ZNF485: variants seen among roughly 807,000 people sequenced by gnomAD.
ZNF485 encodes the protein Zinc finger protein 93 (Zinc finger protein HTF34).
A neutral mutation model predicts 10.8 loss-of-function variants in ZNF485; 9 were observed. That is an observed-to-expected ratio of 0.83 (90% CI 0.50 to 1.45). The LOEUF (loss-of-function observed/expected upper bound fraction) is 1.45, where lower values mean the gene tolerates loss of function less well. Among genes scored for constraint, ZNF485 ranks in the 40% most tolerant of loss-of-function variants. ZNF485 has a pLI of 0.00. For missense variants in ZNF485, 487 were observed against 528.0 expected (o/e 0.92, Z 0.76); for synonymous variants, 187 against 181.0 (o/e 1.03, Z -0.27).
intron 2 of ZNF485, 113 bp from the exon 3 acceptor site, chr10:43,608,501 T>G: frequency 7.2e-7 from 1 of 1,382,862 alleles, no homozygotes; most frequent in Non-Finnish European, 9.8e-7. Flanking sequence ...CTTGTTGGTT[T>G]CCATGAGCAC....
rs993046346 is a variant in ZNF485, at chr10:43,611,789, A to G, written c.247+2439A>G. Among the ~76,000 whole-genome samples the G allele has an allele frequency of 3.9e-5, 6 of 152,148 alleles. No individual in the cohort carries two copies. In the South Asian group the frequency reaches 1.2e-3, roughly 32 times the overall value. ...AACATTTTGAGCAACCCTTGTATTT[A>G]TCTTTCCTGAGAACTGCCTGTTCAG... On this transcript the variant is annotated intron_variant, in intron 4 of 4. Coordinates refer to ENST00000361807, the MANE Select transcript of ZNF485 (RefSeq NM_145312.4).
In ZNF485 at chr10:43,609,319, G is replaced by A; in HGVS notation, c.216G>A (p.Glu72=). 6.2e-7 allele frequency: 1 copy of A among 1,613,988 alleles called. No individual in the cohort carries two copies. The highest frequency in any genetic ancestry group is 8.5e-7 in the Non-Finnish European group (1 of 1,179,910). The part of the protein sequence containing the change: ...QLEQGAEPWT[E]VREAPSGTHA... ...AGCAAGGGGCAGAGCCCTGGACTGAGGTGCGAGAGGCTCCATCAGGCACAC... is the reference window on the plus strand; with the variant it reads ...AGCAAGGGGCAGAGCCCTGGACTGAAGTGCGAGAGGCTCCATCAGGCACAC... The change falls in exon 4 of 5, where the codon GAG becomes GAA. Residue 72 remains glutamate, a synonymous_variant. Transcript: ENST00000361807.
intron 4 of ZNF485, among the ~76,000 whole-genome samples, chr10:43,612,526 A>T (rs1265059075): frequency 6.6e-6 from 1 of 152,042 alleles, no homozygotes; most frequent in Non-Finnish European, 1.5e-5. Flanking sequence ...ACTTTTTTTG[A>T]CAGTGTTGTC....
chr10:43,607,152 C>T, intron 2 of ZNF485, 78 bp downstream of exon 2: 1 of 1,513,106 alleles, frequency 6.6e-7, no homozygotes, highest in Non-Finnish European at 9.0e-7. Flanking sequence ...CCGGACAATG[C>T]CCTGCCCTGT....
rs993983743 is a variant in ZNF485 at position 43,606,454 on chromosome 10, A to G, written c.-147A>G. 9 of 414,054 alleles carry G rather than the reference A, an allele frequency of 2.2e-5. No homozygotes were observed. The highest frequency in any genetic ancestry group is 4.1e-5 in the African/African-American group (2 of 48,802). The allele number at this position is 414,054 out of a possible 1,614,324, so 25.6% of individuals were successfully genotyped here. On this transcript the variant is annotated 5_prime_UTR_variant, in exon 1 of 5. Coordinates refer to ENST00000361807, the MANE Select transcript of ZNF485 (RefSeq NM_145312.4). Reference sequence around the variant, plus strand: ...TGTCTCCGCGTGGTGCGAGCGCTGCACCAGCCCCTGGCTGGTGGTTACTGT... The same window carrying G: ...TGTCTCCGCGTGGTGCGAGCGCTGCGCCAGCCCCTGGCTGGTGGTTACTGT...
Position 43,616,732 on chromosome 10 carries a change from T to A in ZNF485, c.689T>A (p.Leu230Ter). 1 of 1,614,098 alleles carries A rather than the reference T, an allele frequency of 6.2e-7. No homozygotes were observed. Among genetic ancestry groups the A allele is most frequent in the East Asian group, 2.2e-5 (1 of 44,882 alleles). Reference sequence around the variant, plus strand: ...ACTTTCAGAAAGAACTCAATCCTTTTAAGTCATCAGAGAATTCATACTGGC... The same window carrying A: ...ACTTTCAGAAAGAACTCAATCCTTTAAAGTCATCAGAGAATTCATACTGGC... ...GKTFRKNSIL[L>*]SHQRIHTGQK... is the part of the protein sequence containing the mutation. The change falls in exon 5 of 5, where the codon TTA (leucine) becomes TAA (stop). Residue 230 changes from leucine (L) to a stop codon, truncating the protein, a stop_gained. Coordinates refer to ENST00000361807, the MANE Select transcript of ZNF485 (RefSeq NM_145312.4). LOFTEE classifies it low-confidence loss of function (END_TRUNC).
At position 43,617,395 on chromosome 10, in the gene ZNF485, A is replaced by G. The variant is rs1838887291; in HGVS notation, c.*26A>G. 1 of 1,467,956 alleles carries G rather than the reference A, an allele frequency of 6.8e-7. No homozygotes were observed. The highest frequency in any genetic ancestry group is 9.2e-7 in the Non-Finnish European group (1 of 1,091,614). The allele number at this position is 1,467,956 out of a possible 1,614,324, so 90.9% of individuals were successfully genotyped here. A position where few individuals can be genotyped will look rare whatever the true frequency, so the allele number is the denominator to read the frequency against. On this transcript the variant is annotated 3_prime_UTR_variant, in exon 5 of 5. Coordinates refer to ENST00000361807, the MANE Select transcript of ZNF485 (RefSeq NM_145312.4). ...TGTGGCAAATTGTGCAGAGTAGTTT[A>G]TTCCTTCTGACCATCATAGAGGAGA...
Position 43,606,988 on chromosome 10 carries a change from C to T in ZNF485, c.-54-9C>T, listed in dbSNP as rs1838660636. 2 of 1,548,328 alleles carry T rather than the reference C, an allele frequency of 1.3e-6. No homozygotes were observed. Among genetic ancestry groups the T allele is most frequent in the Admixed American group, 3.9e-5 (2 of 50,986 alleles). On this transcript the variant is annotated splice_polypyrimidine_tract_variant and intron_variant, in intron 1 of 4. Coordinates refer to ENST00000361807, the MANE Select transcript of ZNF485 (RefSeq NM_145312.4). ...AGGGACTTCCTCAATTTCCTCTCTTCTTTCCCAGATTGACTTACGCAGGAT... is the reference window on the plus strand; with the variant it reads ...AGGGACTTCCTCAATTTCCTCTCTTTTTTCCCAGATTGACTTACGCAGGAT...
chr10:43,615,058 G>A (rs1370013765), intron 4 of ZNF485, among the ~76,000 whole-genome samples: 1 of 152,176 alleles, frequency 6.6e-6, no homozygotes, highest in African/African-American at 2.4e-5. Context: ...AATGTGGGCT[G>A]TTTCTGACTG....
chr10:43,609,486 C>T lies in ZNF485; in HGVS notation c.247+136C>T, dbSNP rs1322150899. ...TCCTCTTTTGATGTCATCCTCCTGTCAAGTGGCTGGCCGCTTTTCTCCCCA... is the reference window on the plus strand; with the variant it reads ...TCCTCTTTTGATGTCATCCTCCTGTTAAGTGGCTGGCCGCTTTTCTCCCCA... On this transcript the variant is annotated intron_variant, in intron 4 of 4. Transcript: ENST00000361807. The T allele has an allele frequency of 1.1e-5, 7 of 642,568 alleles. No individual in the cohort carries two copies. The South Asian group carries it at 1.8e-4, about 16-fold the overall frequency. The allele number at this position is 642,568 out of a possible 1,614,324, so 39.8% of individuals were successfully genotyped here.
At position 43,609,297 on chromosome 10, in the gene ZNF485, A is replaced by G. The variant is rs1309620137; in HGVS notation, c.194A>G (p.Gln65Arg). 4 of 1,613,890 alleles carry G rather than the reference A, an allele frequency of 2.5e-6. No individual in the cohort carries two copies. In the South Asian group the frequency reaches 4.4e-5, roughly 18 times the overall value. Residue 65 changes from glutamine (Q) to arginine (R), a missense_variant, in exon 4 of 5, where the codon CAA (glutamine) becomes CGA (arginine). Gln to Arg is a conservative substitution (Grantham distance 43). Transcript: ENST00000361807. ...SKPKLITQLE[Q>R]GAEPWTEVRE... is the part of the protein sequence containing the mutation. ...CCAAAACTAATTACTCAGTTGGAGC[A>G]AGGGGCAGAGCCCTGGACTGAGGTG...
chr10:43,617,213 CT>C lies in ZNF485; in HGVS notation c.1173del (p.Arg392GlyfsTer47). ...ATCACTGTAAGAAATGTGGGAAAGCCTTTCGGCACAGCTCAGGCCTTGTTGA... is the reference window on the plus strand; with the variant it reads ...ATCACTGTAAGAAATGTGGGAAAGCCTTCGGCACAGCTCAGGCCTTGTTGA... ...PYHCKKCGKAFRHSSGLVEHQ... is the reference protein window; with the variant it reads ...PYHCKKCGKAXRHSSGLVEHQ... On this transcript the variant is annotated frameshift_variant, in exon 5 of 5. Coordinates refer to ENST00000361807, the MANE Select transcript of ZNF485 (RefSeq NM_145312.4). LOFTEE classifies it low-confidence loss of function (END_TRUNC). The C allele has an allele frequency of 6.2e-7, 1 of 1,614,192 alleles. No homozygotes were observed. Among genetic ancestry groups the C allele is most frequent in the Non-Finnish European group, 8.5e-7 (1 of 1,180,030 alleles).
chr10:43,613,374 CAT>C (rs3999100), intron 4 of ZNF485, among the ~76,000 whole-genome samples: 7,238 of 152,330 alleles, frequency 0.048, 198 homozygotes, highest in Non-Finnish European at 0.055. Flanking sequence ...TTATGCATAA[CAT>C]GTTTTCAAAT....
intron 4 of ZNF485, among the ~76,000 whole-genome samples, chr10:43,610,057 G>T (rs1378779245): frequency 4.6e-5 from 7 of 152,124 alleles, no homozygotes; most frequent in Admixed American, 4.6e-4. Context: ...ACTTCCTGGT[G>T]GTAGTTGCAG....
chr10:43,612,040 C>T (rs1172288206), intron 4 of ZNF485, among the ~76,000 whole-genome samples: 1 of 152,154 alleles, frequency 6.6e-6, no homozygotes, highest in Non-Finnish European at 1.5e-5. Flanking sequence ...AGTTGGGATA[C>T]ACATACATTG....
At position 43,609,455 on chromosome 10, in the gene ZNF485, C is replaced by T. The variant is rs867044785; in HGVS notation, c.247+105C>T. The T allele has an allele frequency of 1.7e-5, 14 of 810,506 alleles. 1 individual carries two copies. The African/African-American group carries it at 1.9e-4, about 11-fold the overall frequency. 50.2% of individuals were successfully genotyped at this position (810,506 alleles called of 1,614,324 possible). A position where few individuals can be genotyped will look rare whatever the true frequency, so the allele number is the denominator to read the frequency against. ...AGTGCCCTGTTGGTGCAGAAAGGCA[C>T]TGGTTTCCTCTTTTGATGTCATCCT... On this transcript the variant is annotated intron_variant, in intron 4 of 4. Transcript: ENST00000361807.
intron 2 of ZNF485, 106 bp downstream of exon 2, chr10:43,607,180 C>A: frequency 7.3e-7 from 1 of 1,370,650 alleles, no homozygotes; most frequent in Non-Finnish European, 1.0e-6. Context: ...CAAAGCTACC[C>A]GAACCAATCC....
At chr10:43,612,683 C>G (rs1461383936) in intron 4 of ZNF485, among the ~76,000 whole-genome samples, 4 of 152,160 alleles carry the variant, frequency 2.6e-5, no homozygotes, top group Admixed American at 6.5e-5. Context: ...ATATTCTCCA[C>G]ATCTTTGGTT....
At chr10:43,607,569 C>G (rs551193138) in intron 2 of ZNF485, among the ~76,000 whole-genome samples, 1 of 152,246 alleles carries the variant, frequency 6.6e-6, no homozygotes, top group East Asian at 1.9e-4. Context: ...TCTAGAATCC[C>G]AGACTGGAGT....
Sources: gnomAD v4.1 joint callset for allele counts (sites outside exome capture counted in the v4.1 genomes callset) on GRCh38, gnomAD v4.1.1 for gene constraint, MANE v1.5 for transcripts, NCBI Gene and HGNC (gene_info 2026-07-23, HGNC 2026-07-21) for gene names.